Variants in RALGAPA2 observed in about 807,000 individuals in gnomAD.
RALGAPA2 encodes the protein ral GTPase-activating protein subunit alpha-2.
In RALGAPA2, 139 loss-of-function variants were observed where a neutral mutation model predicts 230.4. The ratio of observed to expected loss-of-function variants is 0.60; its 90% CI spans 0.53 to 0.69. RALGAPA2 has a LOEUF of 0.69. Ranked by LOEUF, RALGAPA2 falls within the 30% of genes least tolerant of loss-of-function variation. The pLI, the probability that RALGAPA2 is intolerant of heterozygous loss-of-function variation, is 0.00. For missense variants in RALGAPA2, 2,163 were observed against 2,276.0 expected, an observed-to-expected ratio of 0.95 and a Z score of 1.01; for synonymous variants, 847 against 837.8, an observed-to-expected ratio of 1.01 and a Z score of -0.19.
Position 20,712,515 on chromosome 20 carries a change from C to A in RALGAPA2, c.-35G>T. On this transcript the variant is annotated 5_prime_UTR_variant, in exon 1 of 40. Transcript: ENST00000202677. The surrounding 1 kb of genome is among the most constrained non-coding windows in gnomAD (Gnocchi z 5.5). ...GGAAGCCCGGGCCCCGCCGGCGGGG[C>A]AGTAGGCGCCTGCGCCACGCGAATC... 6.5e-7 allele frequency: 1 copy of A among 1,531,800 alleles called. No homozygotes were observed. Among genetic ancestry groups the A allele is most frequent in the Non-Finnish European group, 8.8e-7 (1 of 1,139,144 alleles). The allele number at this position is 1,531,800 out of a possible 1,614,324, so 94.9% of individuals were successfully genotyped here. A position where few individuals can be genotyped will look rare whatever the true frequency, so the allele number is the denominator to read the frequency against.
chr20:20,617,328 C>T (rs1026540706), intron 12 of RALGAPA2, among the ~76,000 whole-genome samples: 1 of 152,084 alleles, frequency 6.6e-6, no homozygotes, highest in Non-Finnish European at 1.5e-5. Flanking sequence ...AAGATTAAAA[C>T]GTATTATGTC....
At chr20:20,691,747 C>T (rs528231252) in intron 1 of RALGAPA2, among the ~76,000 whole-genome samples, 1 of 152,316 alleles carries the variant, frequency 6.6e-6, no homozygotes, top group East Asian at 1.9e-4. Context: ...AGAATCCTGA[C>T]ATAAAACTTC....
chr20:20,584,990 G>C lies in RALGAPA2; in HGVS notation c.2440-35C>G, dbSNP rs774097419. ...AAAAGAAATATTGCATTTACTACAG[G>C]AAAGTTTTCATTGTTATAAGACTTA... On this transcript the variant is annotated intron_variant, in intron 18 of 39. Transcript: ENST00000202677. 1.1e-5 allele frequency: 17 copies of C among 1,498,626 alleles called. No individual in the cohort carries two copies. In the South Asian group the frequency reaches 1.7e-4, roughly 15 times the overall value. 92.8% of individuals were successfully genotyped at this position (1,498,626 alleles called of 1,614,324 possible). A position where few individuals can be genotyped will look rare whatever the true frequency, so the allele number is the denominator to read the frequency against.
At chr20:20,594,104 G>A (rs1456176029) in intron 16 of RALGAPA2, among the ~76,000 whole-genome samples, 1 of 152,150 alleles carries the variant, frequency 6.6e-6, no homozygotes. Context: ...GGTGCCCTGA[G>A]CTACCTACTC....
chr20:20,543,324 C>A (rs1470875686), intron 24 of RALGAPA2, among the ~76,000 whole-genome samples: 1 of 152,002 alleles, frequency 6.6e-6, no homozygotes, highest in African/African-American at 2.4e-5. Flanking sequence ...GGATTACAGG[C>A]GTGAGCTACC....
At chr20:20,680,120 G>A (rs1033869433) in intron 2 of RALGAPA2, among the ~76,000 whole-genome samples, 5 of 152,192 alleles carry the variant, frequency 3.3e-5, no homozygotes, top group African/African-American at 4.8e-5. Context: ...CAGCTAGAAG[G>A]GTGGGGCCAG....
intron 1 of RALGAPA2, among the ~76,000 whole-genome samples, chr20:20,684,295 G>T (rs2146860296): frequency 6.6e-6 from 1 of 152,246 alleles, no homozygotes; most frequent in South Asian, 2.1e-4. Flanking sequence ...TGGAGGAGGT[G>T]GGTGTGCTGA....
At chr20:20,406,922 G>A (rs1316885454) in intron 38 of RALGAPA2, among the ~76,000 whole-genome samples, 1 of 152,200 alleles carries the variant, frequency 6.6e-6, no homozygotes, top group Non-Finnish European at 1.5e-5. Context: ...GAAAACTTCT[G>A]TATTATCTGA....
chr20:20,480,520 C>G (rs1224598591), intron 36 of RALGAPA2, among the ~76,000 whole-genome samples: 1 of 152,110 alleles, frequency 6.6e-6, no homozygotes, highest in Non-Finnish European at 1.5e-5. Context: ...TTAAGGAGTA[C>G]TTTAGTACTT....
At chr20:20,584,140 C>T (rs915728431) in intron 19 of RALGAPA2, among the ~76,000 whole-genome samples, 2 of 152,190 alleles carry the variant, frequency 1.3e-5, no homozygotes, top group Non-Finnish European at 1.5e-5. Flanking sequence ...GTTTACTTTG[C>T]TACTCTGGCA....
intron 36 of RALGAPA2, among the ~76,000 whole-genome samples, chr20:20,481,188 T>C (rs183873600): frequency 2.6e-5 from 4 of 152,358 alleles, no homozygotes; most frequent in African/African-American, 9.6e-5. Flanking sequence ...CTAGCCAGCA[T>C]GCCAGCACAA....
At chr20:20,444,267 C>A (rs759121725) in intron 37 of RALGAPA2, among the ~76,000 whole-genome samples, 2 of 152,132 alleles carry the variant, frequency 1.3e-5, no homozygotes, top group Admixed American at 1.3e-4. Flanking sequence ...TGCAAATTCA[C>A]GGCTTGCATT....
intron 37 of RALGAPA2, among the ~76,000 whole-genome samples, chr20:20,436,234 A>G (rs1312571246): frequency 6.6e-6 from 1 of 152,120 alleles, no homozygotes; most frequent in Non-Finnish European, 1.5e-5. Flanking sequence ...TGCTTCCAGG[A>G]CCCTTCAAAT....
chr20:20,595,814 A>G (rs1242012597), intron 16 of RALGAPA2, among the ~76,000 whole-genome samples: 1 of 151,942 alleles, frequency 6.6e-6, no homozygotes, highest in Non-Finnish European at 1.5e-5. Context: ...TTAGCTGTGC[A>G]TGGCATGCCT....
intron 18 of RALGAPA2, among the ~76,000 whole-genome samples, chr20:20,589,067 T>C (rs1359920526): frequency 6.6e-6 from 1 of 152,204 alleles, no homozygotes; most frequent in Non-Finnish European, 1.5e-5. Flanking sequence ...ATGTTAATTT[T>C]TTTCCTATTT....
chr20:20,615,911 G>C, intron 13 of RALGAPA2, 132 bp downstream of exon 13: 1 of 659,932 alleles, frequency 1.5e-6, no homozygotes, highest in Non-Finnish European at 2.3e-6. Context: ...ATAATTCACA[G>C]AAACTGTTAC....
At chr20:20,516,274 C>A (rs2145399103) in intron 31 of RALGAPA2, among the ~76,000 whole-genome samples, 1 of 152,322 alleles carries the variant, frequency 6.6e-6, no homozygotes, top group African/African-American at 2.4e-5. Flanking sequence ...ACACAAAGGA[C>A]ATAAACTTGT....
At chr20:20,633,709 A>C (rs973112899) in intron 9 of RALGAPA2, among the ~76,000 whole-genome samples, 3 of 149,330 alleles carry the variant, frequency 2.0e-5, no homozygotes, top group Non-Finnish European at 4.4e-5. Flanking sequence ...CGATCTCCTG[A>C]CCTCATGATC....
chr20:20,476,530 C>T (rs1409005182), intron 36 of RALGAPA2, among the ~76,000 whole-genome samples: 1 of 151,706 alleles, frequency 6.6e-6, no homozygotes, highest in East Asian at 1.9e-4. Flanking sequence ...TGACCTTCAT[C>T]TCATATCACA....
Sources: allele counts gnomAD v4.1 joint callset (sites outside exome capture counted in the v4.1 genomes callset), GRCh38; gene constraint gnomAD v4.1.1; non-coding constraint Gnocchi (gnomAD v3.1); transcripts MANE v1.5; gene names NCBI Gene and HGNC (gene_info 2026-07-23, HGNC 2026-07-21).